The following MPPED1 variants were observed in gnomAD, a reference collection of about 807,000 sequenced individuals.
MPPED1 encodes the protein metallophosphoesterase domain-containing protein 1.
MPPED1 carries 16 observed loss-of-function variants against 36.2 expected under a neutral mutation model. The observed-to-expected ratio is 0.44, with a 90% CI of 0.30 to 0.67. The LOEUF (loss-of-function observed/expected upper bound fraction) is 0.67, where lower values mean the gene tolerates loss of function less well. Among genes scored for constraint, MPPED1 ranks in the 30% least tolerant of loss-of-function variants. MPPED1 has a pLI of 0.10. For missense variants in MPPED1, 307 were observed against 453.4 expected (o/e 0.68, Z 2.93); for synonymous variants, 199 against 191.3 (o/e 1.04, Z -0.33).
At chr22:43,476,687 G>C (rs1350486955) in intron 4 of MPPED1, among the ~76,000 whole-genome samples, 2 of 152,072 alleles carry the variant, frequency 1.3e-5, no homozygotes, top group Admixed American at 1.3e-4. Context: ...CCTGGCCTCG[G>C]CAGGTGCCTG....
At chr22:43,434,549 T>C (rs1284447742) in intron 2 of MPPED1, among the ~76,000 whole-genome samples, 1 of 152,168 alleles carries the variant, frequency 6.6e-6, no homozygotes, top group East Asian at 1.9e-4. Flanking sequence ...CTCTTCTGTC[T>C]AAAGCAGAGG....
chr22:43,495,554 A>G (rs373317258), intron 4 of MPPED1, among the ~76,000 whole-genome samples: 6,153 of 14,548 alleles, frequency 0.42, 753 homozygotes, highest in African/African-American at 0.58. Flanking sequence ...GGTGGTGGAG[A>G]TGGTGGTGGT....
At chr22:43,417,087 G>A in intron 1 of MPPED1, 1 of 838,598 alleles carries the variant, frequency 1.2e-6, no homozygotes, top group Non-Finnish European at 1.4e-6. Context: ...CTGCTGGGGG[G>A]TGGCGGTGGT....
chr22:43,457,353 T>C (rs1017974194), intron 3 of MPPED1, among the ~76,000 whole-genome samples: 2 of 152,124 alleles, frequency 1.3e-5, no homozygotes, highest in African/African-American at 4.8e-5. Context: ...CTGGATACTG[T>C]TTGTATATCT....
chr22:43,445,026 C>G lies in MPPED1; in HGVS notation c.406+9811C>G, dbSNP rs148640303. 6.2e-4 allele frequency among the ~76,000 whole-genome samples: 94 copies of G among 152,296 alleles called. No individual in the cohort carries two copies. In the East Asian group the frequency reaches 0.017, roughly 28 times the overall value. ...TGCTATGTGGGCTGTAAGTGGTTAA[C>G]TAGGGTCTGAGCTTCCTGGGGGCCA... On this transcript the variant is annotated intron_variant, in intron 3 of 6. Transcript: ENST00000443721.
intron 4 of MPPED1, among the ~76,000 whole-genome samples, chr22:43,497,842 G>A (rs1932470889): frequency 6.6e-6 from 1 of 150,416 alleles, no homozygotes; most frequent in South Asian, 2.1e-4. Context: ...GGGGGTGGGA[G>A]TATTGGAGAA....
intron 4 of MPPED1, among the ~76,000 whole-genome samples, chr22:43,479,135 C>T (rs1034380814): frequency 1.5e-4 from 23 of 152,298 alleles, no homozygotes; most frequent in Non-Finnish European, 2.9e-5. Context: ...ACTCCCCTGG[C>T]GCCGGCCACC....
chr22:43,424,837 C>T, intron 1 of MPPED1, 71 bp from the exon 2 acceptor site: 6 of 1,442,734 alleles, frequency 4.2e-6, no homozygotes, highest in Non-Finnish European at 3.6e-6. Flanking sequence ...CTTTCTAAAT[C>T]TTCATCTGAC....
intron 2 of MPPED1, among the ~76,000 whole-genome samples, chr22:43,425,673 G>T (rs968453328): frequency 6.6e-6 from 1 of 152,242 alleles, no homozygotes; most frequent in African/African-American, 2.4e-5. Context: ...CCAGAGAGGG[G>T]AAGGGGCTCG....
intron 1 of MPPED1, among the ~76,000 whole-genome samples, chr22:43,420,618 T>C (rs1412910161): frequency 2.0e-5 from 3 of 152,080 alleles, no homozygotes; most frequent in Non-Finnish European, 4.4e-5. Context: ...GTCAGGCTGG[T>C]CTCGAACTCC....
chr22:43,489,905 T>C (rs1932031376), intron 4 of MPPED1, among the ~76,000 whole-genome samples: 1 of 152,144 alleles, frequency 6.6e-6, no homozygotes, highest in African/African-American at 2.4e-5. Flanking sequence ...ATTTTCACAG[T>C]GGTGGTGCCG....
intron 3 of MPPED1, among the ~76,000 whole-genome samples, chr22:43,460,850 C>T (rs1365458847): frequency 1.3e-5 from 2 of 152,160 alleles, no homozygotes; most frequent in Admixed American, 6.6e-5. Flanking sequence ...TTCCTAGGCA[C>T]ACGCACAGCC....
chr22:43,487,883 A>G, intron 4 of MPPED1, among the ~76,000 whole-genome samples: 1 of 152,146 alleles, frequency 6.6e-6, no homozygotes, highest in South Asian at 2.1e-4. Flanking sequence ...GCGACTGCTT[A>G]AGGGGATTTG....
At chr22:43,437,820 T>A (rs1930014765) in intron 3 of MPPED1, among the ~76,000 whole-genome samples, 1 of 152,124 alleles carries the variant, frequency 6.6e-6, no homozygotes, top group South Asian at 2.1e-4. Flanking sequence ...GTCTACCAGA[T>A]CTGGGCTCCC....
At chr22:43,432,409 GATAAA>G (rs2035186329) in intron 2 of MPPED1, among the ~76,000 whole-genome samples, 2 of 126,104 alleles carry the variant, frequency 1.6e-5, no homozygotes, top group African/African-American at 6.6e-5. Context: ...AGGAGAGAGA[GATAAA>G]GGGAGGAGAG....
chr22:43,413,168 T>G (rs967024940), intron 1 of MPPED1, among the ~76,000 whole-genome samples: 2 of 152,204 alleles, frequency 1.3e-5, no homozygotes, highest in African/African-American at 4.8e-5. Context: ...CCATTTCCCC[T>G]GCTCTATTGA....
In MPPED1 at chr22:43,420,417, T is replaced by G. The variant is rs192398540; in HGVS notation, c.-78-4491T>G. 6.4e-4 allele frequency among the ~76,000 whole-genome samples: 98 copies of G among 152,108 alleles called. 1 individual carries two copies. In the East Asian group the frequency reaches 0.018, roughly 28 times the overall value. ...GCCGCTTCAGATAGACATTTTTTTT[T>G]TTTTTGAGATGGAGTCTCACTCTGT... is the stretch of plus-strand genomic sequence containing the variant. On this transcript the variant is annotated intron_variant, in intron 1 of 6. Coordinates refer to ENST00000443721, the MANE Select transcript of MPPED1 (RefSeq NM_001044370.2).
chr22:43,472,825 G>A (rs1931422008), intron 3 of MPPED1, among the ~76,000 whole-genome samples: 1 of 152,224 alleles, frequency 6.6e-6, no homozygotes, highest in South Asian at 2.1e-4. Flanking sequence ...ATCTAGCTGG[G>A]GGTAGAGAAG....
At chr22:43,461,514 A>AG (rs1930956194) in intron 3 of MPPED1, among the ~76,000 whole-genome samples, 1 of 152,196 alleles carries the variant, frequency 6.6e-6, no homozygotes, top group East Asian at 1.9e-4. Flanking sequence ...GACTTTGTGG[A>AG]GGACCGTGTG....
Sources: gnomAD v4.1 joint callset for allele counts (sites outside exome capture counted in the v4.1 genomes callset) on GRCh38, gnomAD v4.1.1 for gene constraint, MANE v1.5 for transcripts, NCBI Gene and HGNC (gene_info 2026-07-23, HGNC 2026-07-21) for gene names.